CAMSAP1: variants seen among roughly 807,000 people sequenced by gnomAD.
The protein encoded by CAMSAP1 is calmodulin regulated spectrin associated protein 1, also known as calmodulin-regulated spectrin-associated protein 1.
A neutral mutation model predicts 143.5 loss-of-function variants in CAMSAP1; 58 were observed. The observed-to-expected ratio is 0.40, with a 90% CI of 0.33 to 0.50. CAMSAP1 has a LOEUF of 0.50. Among genes scored for constraint, CAMSAP1 ranks in the 20% least tolerant of loss-of-function variants. CAMSAP1 has a pLI of 0.45. For missense variants in CAMSAP1, 1,969 were observed against 2,115.7 expected (o/e 0.93, Z 1.36); for synonymous variants, 945 against 859.3 (o/e 1.10, Z -1.74).
chr9:135,870,185 G>T (rs746255037), intron 3 of CAMSAP1, among the ~76,000 whole-genome samples: 25 of 152,184 alleles, frequency 1.6e-4, no homozygotes, highest in Non-Finnish European at 2.9e-4. Flanking sequence ...CACATGTTGA[G>T]GGAGGGACGA....
chr9:135,811,218 A>G lies in CAMSAP1; in HGVS notation c.*91T>C. On this transcript the variant is annotated 3_prime_UTR_variant, in exon 17 of 17. Coordinates refer to ENST00000389532, the MANE Select transcript of CAMSAP1 (RefSeq NM_015447.4). This position sits in a 1 kb window ranked among gnomAD's most constrained non-coding sequence, Gnocchi z 4.9. ...TCGTACCCAAATAGATGAAAACAAT[A>G]AATAAGGACCCCGTGGCACCCTCTG... The G allele has an allele frequency of 7.2e-7, 1 of 1,388,450 alleles. No individual in the cohort carries two copies. The highest frequency in any genetic ancestry group is 1.5e-5 in the South Asian group (1 of 68,770). 86.0% of individuals were successfully genotyped at this position (1,388,450 alleles called of 1,614,324 possible).
chr9:135,813,021 T>C (rs1341450866), intron 16 of CAMSAP1, among the ~76,000 whole-genome samples: 2 of 152,108 alleles, frequency 1.3e-5, no homozygotes, highest in Admixed American at 6.5e-5. Context: ...CGTTTGTTGA[T>C]TGTATTTTAA....
intron 1 of CAMSAP1, among the ~76,000 whole-genome samples, chr9:135,896,336 A>C: frequency 6.6e-6 from 1 of 152,198 alleles, no homozygotes; most frequent in Admixed American, 6.5e-5. Flanking sequence ...TACCAGAAAG[A>C]CCTAAAAATC....
Position 135,816,037 on chromosome 9 carries a change from G to A in CAMSAP1, c.4272-32C>T. The A allele has an allele frequency of 1.3e-6, 2 of 1,598,950 alleles. 1 individual carries two copies. Among genetic ancestry groups the A allele is most frequent in the South Asian group, 2.2e-5 (2 of 90,792 alleles). On this transcript the variant is annotated intron_variant, in intron 14 of 16. Transcript: ENST00000389532. ...GCAGAAACAGACAAGAGACAGGCAGGTGAAGCGCTGGCTTCCTCTCACCAC... is the reference window on the plus strand; with the variant it reads ...GCAGAAACAGACAAGAGACAGGCAGATGAAGCGCTGGCTTCCTCTCACCAC...
At chr9:135,874,480 G>A (rs1179129547) in intron 3 of CAMSAP1, among the ~76,000 whole-genome samples, 4 of 139,638 alleles carry the variant, frequency 2.9e-5, no homozygotes, top group African/African-American at 1.2e-4. Context: ...CTCAAAAAAG[G>A]GGGGGGGGGG....
chr9:135,818,452 C>A lies in CAMSAP1; in HGVS notation c.4124G>T (p.Arg1375Leu). Residue 1375 changes from arginine (R) to leucine (L), a missense_variant, in exon 13 of 17, where the codon CGG becomes CTG. This residue lies in a region of CAMSAP1 where 1,390 missense variants were observed against 1,420.8 expected (regional missense o/e 0.98). Coordinates refer to ENST00000389532, the MANE Select transcript of CAMSAP1 (RefSeq NM_015447.4). The surrounding 1 kb of genome is among the most constrained non-coding windows in gnomAD (Gnocchi z 7.7). Reference sequence around the variant, plus strand: ...GCCGGAGTCGCTGCACGACTCTTCCCGGTGCACCGACTTCGGCCGCGGCTT... The same window carrying A: ...GCCGGAGTCGCTGCACGACTCTTCCAGGTGCACCGACTTCGGCCGCGGCTT... ...PKKPRPKSVH[R>L]EESCSDSGTK... 1.2e-6 allele frequency: 2 copies of A among 1,600,990 alleles called. No individual in the cohort carries two copies. Among genetic ancestry groups the A allele is most frequent in the East Asian group, 2.2e-5 (1 of 44,596 alleles).
chr9:135,875,891 A>G (rs1486486252), intron 3 of CAMSAP1, among the ~76,000 whole-genome samples: 2 of 152,268 alleles, frequency 1.3e-5, no homozygotes, highest in Non-Finnish European at 2.9e-5. Context: ...GATGTCTTCT[A>G]TAAGACACAA....
At chr9:135,905,879 G>T (rs1291634298) in intron 1 of CAMSAP1, among the ~76,000 whole-genome samples, 1 of 152,136 alleles carries the variant, frequency 6.6e-6, no homozygotes, top group East Asian at 1.9e-4. Flanking sequence ...TACCAATTCC[G>T]TTCTCAAAAA....
chr9:135,833,234 A>C (rs1835911791), intron 7 of CAMSAP1, among the ~76,000 whole-genome samples: 1 of 152,062 alleles, frequency 6.6e-6, no homozygotes, highest in African/African-American at 2.4e-5. Flanking sequence ...GGCGCCCGCC[A>C]CTACGCCCGG....
At chr9:135,894,621 G>A (rs1018800291) in intron 1 of CAMSAP1, among the ~76,000 whole-genome samples, 1 of 152,160 alleles carries the variant, frequency 6.6e-6, no homozygotes, top group Non-Finnish European at 1.5e-5. Flanking sequence ...CACCACAAAG[G>A]CTAGGAAGGT....
At chr9:135,827,845 C>G (rs1835732160) in intron 7 of CAMSAP1, among the ~76,000 whole-genome samples, 1 of 152,248 alleles carries the variant, frequency 6.6e-6, no homozygotes, top group Non-Finnish European at 1.5e-5. Flanking sequence ...CTGATGGGCT[C>G]TGTCTTGGTC....
chr9:135,868,840 T>C (rs1317155816), intron 3 of CAMSAP1, among the ~76,000 whole-genome samples: 1 of 152,006 alleles, frequency 6.6e-6, no homozygotes, highest in Admixed American at 6.5e-5. Flanking sequence ...ATGATCTCGA[T>C]ATCCTGACCT....
intron 3 of CAMSAP1, among the ~76,000 whole-genome samples, chr9:135,876,410 C>G (rs1007572476): frequency 2.0e-5 from 3 of 152,172 alleles, no homozygotes; most frequent in Non-Finnish European, 4.4e-5. Context: ...GTTAAAAATT[C>G]GGCAAAATAT....
chr9:135,821,171 A>G lies in CAMSAP1; in HGVS notation c.3490T>C (p.Cys1164Arg), dbSNP rs187960790. 8.7e-6 allele frequency: 14 copies of G among 1,611,150 alleles called. No homozygotes were observed. In the East Asian group the frequency reaches 3.1e-4, roughly 36 times the overall value. ...TGGAGCCTGTAACTGTCGAAGAGAC[A>G]CTTCCCATGTGGGTCACCACTGGGC... is the stretch of plus-strand genomic sequence containing the variant. ...LEPSGDPHGK[C>R]LFDSYRLHDE... Residue 1164 changes from cysteine to arginine, a missense_variant, in exon 11 of 17, where the codon TGT (cysteine) becomes CGT (arginine). Cys to Arg is a radical substitution (Grantham distance 180, BLOSUM62 -3). This residue lies in a region of CAMSAP1 where 1,390 missense variants were observed against 1,420.8 expected (regional missense o/e 0.98). Coordinates refer to ENST00000389532, the MANE Select transcript of CAMSAP1 (RefSeq NM_015447.4). This position sits in a 1 kb window ranked among gnomAD's most constrained non-coding sequence, Gnocchi z 4.6.
chr9:135,880,921 C>G (rs1837926001), intron 3 of CAMSAP1, among the ~76,000 whole-genome samples: 1 of 152,144 alleles, frequency 6.6e-6, no homozygotes, highest in African/African-American at 2.4e-5. Context: ...CTATGAGCTT[C>G]TAAATGTAAA....
intron 3 of CAMSAP1, among the ~76,000 whole-genome samples, chr9:135,878,368 G>T (rs1437717098): frequency 6.9e-6 from 1 of 145,704 alleles, no homozygotes; most frequent in African/African-American, 2.7e-5. Context: ...TGCAGAGGAC[G>T]ACACAGAGCC....
At chr9:135,876,327 T>G (rs1195273954) in intron 3 of CAMSAP1, among the ~76,000 whole-genome samples, 4 of 152,196 alleles carry the variant, frequency 2.6e-5, no homozygotes, top group Non-Finnish European at 5.9e-5. Flanking sequence ...TCATGATACA[T>G]ACATCTGACA....
Position 135,811,128 on chromosome 9 carries a change from TGA to T in CAMSAP1, c.*179_*180del, listed in dbSNP as rs923058458. ...GGCATCCTCTGCGTGAGATGAGCGC[TGA>T]GAGAGGGGTTTTCTTCTGCTGTCTA... On this transcript the variant is annotated 3_prime_UTR_variant, in exon 17 of 17. Coordinates refer to ENST00000389532, the MANE Select transcript of CAMSAP1 (RefSeq NM_015447.4). This position sits in a 1 kb window ranked among gnomAD's most constrained non-coding sequence, Gnocchi z 4.9. The T allele has an allele frequency of 7.1e-6, 5 of 700,196 alleles. No homozygotes were observed. Among genetic ancestry groups the T allele is most frequent in the South Asian group, 3.9e-5 (2 of 51,260 alleles). 43.4% of individuals were successfully genotyped at this position (700,196 alleles called of 1,614,324 possible).
chr9:135,813,471 A>C (rs1288165238), intron 16 of CAMSAP1, among the ~76,000 whole-genome samples: 1 of 152,264 alleles, frequency 6.6e-6, no homozygotes, highest in African/African-American at 2.4e-5. Flanking sequence ...CACTGTGTTT[A>C]AATATGAACA....
Sources: gnomAD v4.1 joint callset for allele counts (sites outside exome capture counted in the v4.1 genomes callset) on GRCh38, gnomAD v4.1.1 for gene constraint, gnomAD v4.1.1 regional missense constraint, Gnocchi (gnomAD v3.1) non-coding constraint, MANE v1.5 for transcripts, NCBI Gene and HGNC (gene_info 2026-07-23, HGNC 2026-07-21) for gene names.